Variants in ABL1 observed in about 807,000 individuals in gnomAD.
The protein encoded by ABL1 is tyrosine-protein kinase ABL1.
A neutral mutation model predicts 94.7 loss-of-function variants in ABL1; 11 were observed. The ratio of observed to expected loss-of-function variants is 0.12; its 90% CI spans 0.07 to 0.19. The LOEUF is 0.19. ABL1 is among the 10% of genes least tolerant of loss of function. The pLI, the probability that ABL1 is intolerant of heterozygous loss-of-function variation, is 1.00. For synonymous variants in ABL1, 656 were observed against 622.4 expected (o/e 1.05, Z -0.80); for missense variants, 1,082 against 1,489.4 (o/e 0.73, Z 4.50).
At chr9:130,763,042 A>T (rs145367886) in intron 1 of ABL1, among the ~76,000 whole-genome samples, 1,674 of 152,290 alleles carry the variant, frequency 0.011, 8 homozygotes, top group Non-Finnish European at 0.017. Flanking sequence ...TATAACCAAG[A>T]TCTGGCCTAG....
rs994494042 is a variant in ABL1, at chr9:130,886,019, G to A, written c.*336G>A. 2.8e-5 allele frequency: 9 copies of A among 324,446 alleles called. No individual in the cohort carries two copies. Among genetic ancestry groups the A allele is most frequent in the Middle Eastern group, 8.1e-4 (1 of 1,234 alleles). The allele number at this position is 324,446 out of a possible 1,614,324, so 20.1% of individuals were successfully genotyped here. On this transcript the variant is annotated 3_prime_UTR_variant, in exon 11 of 11. Coordinates refer to ENST00000318560, the MANE Select transcript of ABL1 (RefSeq NM_005157.6). ...TGAGCTCTCCAGGCCAGGTGGGAAC[G>A]GCTGATGTGGACTGTCTTTTTCATT...
intron 8 of ABL1, among the ~76,000 whole-genome samples, chr9:130,879,652 C>G (rs1422474111): frequency 6.6e-6 from 1 of 152,218 alleles, no homozygotes; most frequent in East Asian, 1.9e-4. Flanking sequence ...GTCCCCAGTA[C>G]TAGGCTTTGT....
chr9:130,787,946 G>A lies in ABL1; in HGVS notation c.137-66118G>A, dbSNP rs79562927. On this transcript the variant is annotated intron_variant, in intron 1 of 10. Coordinates refer to the ABL1 transcript ENST00000372348. ...GGCCTCAGCTCTCTGATTAGCTCAA[G>A]AAAAGTTAGGATTTTGTTGATTATC... is the stretch of plus-strand genomic sequence containing the variant. Among the ~76,000 whole-genome samples the A allele has an allele frequency of 7.6e-3, 1,156 of 152,206 alleles. 15 individuals carry two copies. Among genetic ancestry groups the A allele is most frequent in the African/African-American group, 0.026 (1,090 of 41,500 alleles).
intron 1 of ABL1, among the ~76,000 whole-genome samples, chr9:130,796,288 C>T (rs917890789): frequency 3.3e-5 from 5 of 152,130 alleles, no homozygotes; most frequent in African/African-American, 1.2e-4. Flanking sequence ...TTTGGGAGGC[C>T]GAGGCAAGTG....
chr9:130,745,708 AT>A (rs757587379), intron 1 of ABL1, among the ~76,000 whole-genome samples: 5 of 151,948 alleles, frequency 3.3e-5, no homozygotes, highest in Non-Finnish European at 5.9e-5. Flanking sequence ...ATGTGGGAAA[AT>A]GTTTATCAGT....
In ABL1 at chr9:130,872,397, A is replaced by C. The variant is rs1165081078; in HGVS notation, c.907+184A>C. Among the ~76,000 whole-genome samples the C allele has an allele frequency of 2.6e-5, 4 of 152,262 alleles. No homozygotes were observed. The highest frequency in any genetic ancestry group is 6.5e-5 in the Admixed American group (1 of 15,292). On this transcript the variant is annotated intron_variant, in intron 5 of 10. Transcript: ENST00000318560. The surrounding 1 kb of genome is among the most constrained non-coding windows in gnomAD (Gnocchi z 5.0). ...GATGGGTGTGTGCGTGTGTGCACAT[A>C]TGCACATGTATGTATGAGAGGGAGA...
intron 10 of ABL1, among the ~76,000 whole-genome samples, 159 bp from the exon 11 acceptor site, chr9:130,883,810 A>ATTTT (rs959334674): frequency 6.6e-6 from 1 of 152,038 alleles, no homozygotes; most frequent in Non-Finnish European, 1.5e-5. Flanking sequence ...ACCTTTGACA[A>ATTTT]TTTTTTTGTT....
chr9:130,715,816 T>C (rs1831429907), intron 1 of ABL1, among the ~76,000 whole-genome samples: 1 of 152,156 alleles, frequency 6.6e-6, no homozygotes, highest in Non-Finnish European at 1.5e-5. Context: ...GTGTCCCTGA[T>C]ATCTCTTCAG....
At chr9:130,769,925 C>G (rs949385555) in intron 1 of ABL1, among the ~76,000 whole-genome samples, 1 of 152,166 alleles carries the variant, frequency 6.6e-6, no homozygotes, top group African/African-American at 2.4e-5. Flanking sequence ...AATGTCATAT[C>G]AATGGAATAG....
chr9:130,720,371 G>C (rs909653814), intron 1 of ABL1, among the ~76,000 whole-genome samples: 1 of 152,178 alleles, frequency 6.6e-6, no homozygotes, highest in Non-Finnish European at 1.5e-5. Context: ...AAGACCCGAA[G>C]GAGGAAGATG....
chr9:130,789,920 T>C (rs1488353908), intron 1 of ABL1, among the ~76,000 whole-genome samples: 3 of 152,086 alleles, frequency 2.0e-5, no homozygotes, highest in Admixed American at 6.5e-5. Flanking sequence ...CTCAGAGATA[T>C]AGTGAGAAGG....
intron 1 of ABL1, among the ~76,000 whole-genome samples, chr9:130,848,257 T>G (rs1821927423): frequency 6.6e-6 from 1 of 151,310 alleles, no homozygotes; most frequent in Non-Finnish European, 1.5e-5. Context: ...TCCCAGCACT[T>G]TGGGAGGCTG....
chr9:130,872,092 C>T lies in ABL1; in HGVS notation c.823-37C>T. 6.2e-7 allele frequency: 1 copy of T among 1,600,146 alleles called. No homozygotes were observed. Among genetic ancestry groups the T allele is most frequent in the South Asian group, 1.1e-5 (1 of 90,402 alleles). ...GTACTTACCCACTGAAAAGCACTTCCTGAAATAATTTCACCTTCGTTTTTT... is the reference window on the plus strand; with the variant it reads ...GTACTTACCCACTGAAAAGCACTTCTTGAAATAATTTCACCTTCGTTTTTT... On this transcript the variant is annotated intron_variant, in intron 4 of 10. Transcript: ENST00000318560. The surrounding 1 kb of genome is among the most constrained non-coding windows in gnomAD (Gnocchi z 5.0).
rs1554757228 is a variant in ABL1 at position 130,728,248 on chromosome 9, T to TTTG, written c.136+13793_136+13794insTTG. On this transcript the variant is annotated intron_variant, in intron 1 of 10. Transcript: ENST00000372348. ...CCAGCTGATTTTTTTTTTTTTTTTT[T>TTTG]GTGGAGACGGGGTTTCATCATGTTA... Among the ~76,000 whole-genome samples the TTTG allele has an allele frequency of 3.7e-3, 546 of 148,728 alleles. 11 individuals carry two copies. The highest frequency in any genetic ancestry group is 0.013 in the African/African-American group (499 of 39,670).
intron 1 of ABL1, among the ~76,000 whole-genome samples, chr9:130,763,175 G>C (rs1465851946): frequency 6.7e-6 from 1 of 149,002 alleles, no homozygotes. Flanking sequence ...TTGGATAATT[G>C]CTTTTTTTTT....
At chr9:130,837,473 T>C (rs1270435400) in intron 1 of ABL1, among the ~76,000 whole-genome samples, 2 of 152,082 alleles carry the variant, frequency 1.3e-5, no homozygotes, top group Non-Finnish European at 2.9e-5. Context: ...GCTGGTTTAA[T>C]TATTGTTTTG....
intron 1 of ABL1, among the ~76,000 whole-genome samples, chr9:130,788,403 C>T (rs967870241): frequency 2.6e-5 from 4 of 152,014 alleles, no homozygotes; most frequent in South Asian, 4.1e-4. Context: ...ACATTTTGTC[C>T]TTTTATCCCT....
At chr9:130,753,422 C>CTTTTTTTTTT (rs71389347) in intron 1 of ABL1, among the ~76,000 whole-genome samples, 3 of 90,340 alleles carry the variant, frequency 3.3e-5, no homozygotes, top group African/African-American at 5.1e-5. Flanking sequence ...TTTTTCTTTT[C>CTTTTTTTTTT]TTTTTTTTTT....
At chr9:130,850,227 G>A (rs544810836) in intron 1 of ABL1, among the ~76,000 whole-genome samples, 1 of 152,352 alleles carries the variant, frequency 6.6e-6, no homozygotes, top group East Asian at 1.9e-4. Flanking sequence ...AGTGTGAAAA[G>A]AGAATTGTTT....
Sources: allele counts gnomAD v4.1 joint callset (sites outside exome capture counted in the v4.1 genomes callset), GRCh38; gene constraint gnomAD v4.1.1; non-coding constraint Gnocchi (gnomAD v3.1); transcripts MANE v1.5; gene names NCBI Gene and HGNC (gene_info 2026-07-23, HGNC 2026-07-21).